LDLRAD3: variants seen among roughly 807,000 people sequenced by gnomAD.
The protein encoded by LDLRAD3 is low-density lipoprotein receptor class A domain-containing protein 3.
LDLRAD3 carries 20 observed loss-of-function variants against 29.4 expected under a neutral mutation model. The observed-to-expected ratio is 0.68, with a 90% CI of 0.48 to 0.99. The LOEUF (loss-of-function observed/expected upper bound fraction) is 0.99. LDLRAD3 is among the 50% of genes least tolerant of loss of function. LDLRAD3 has a pLI of 0.00. For synonymous variants in LDLRAD3, 157 were observed against 192.7 expected (o/e 0.81, Z 1.53); for missense variants, 420 against 454.3 (o/e 0.92, Z 0.69).
At chr11:35,953,742 AG>A (rs1268208042) in intron 1 of LDLRAD3, among the ~76,000 whole-genome samples, 1 of 152,138 alleles carries the variant, frequency 6.6e-6, no homozygotes. Context: ...GAATTTGGGG[AG>A]GGGAAGAGTG....
intron 2 of LDLRAD3, among the ~76,000 whole-genome samples, chr11:36,071,768 T>C (rs1349427260): frequency 6.6e-6 from 1 of 152,176 alleles, no homozygotes; most frequent in South Asian, 2.1e-4. Flanking sequence ...CCCTTTGCTA[T>C]TGGAAGTGTG....
chr11:36,006,364 G>C (rs1851885521), intron 1 of LDLRAD3, among the ~76,000 whole-genome samples: 1 of 152,130 alleles, frequency 6.6e-6, no homozygotes, highest in South Asian at 2.1e-4. Flanking sequence ...TTTCCTTAAG[G>C]GTGCAGTCAA....
chr11:36,124,513 C>T (rs761610234), intron 4 of LDLRAD3, among the ~76,000 whole-genome samples: 2 of 152,082 alleles, frequency 1.3e-5, no homozygotes, highest in Admixed American at 6.5e-5. Context: ...CCCTTAACCA[C>T]GGCTCTCCCA....
chr11:36,171,682 TG>T (rs1467668176), intron 4 of LDLRAD3, among the ~76,000 whole-genome samples: 2 of 152,238 alleles, frequency 1.3e-5, no homozygotes, highest in Non-Finnish European at 2.9e-5. Context: ...TTGGTCTATG[TG>T]CCTGTTTTTC....
chr11:36,100,145 GGCGTTTTACTTA>G (rs1348955837), intron 4 of LDLRAD3, among the ~76,000 whole-genome samples: 3 of 152,068 alleles, frequency 2.0e-5, no homozygotes, highest in Non-Finnish European at 2.9e-5. Flanking sequence ...CCCAGCCATC[GGCGTTTTACTTA>G]AGAAGCCCTC....
chr11:36,226,692 A>T (rs572879499), intron 4 of LDLRAD3, among the ~76,000 whole-genome samples: 1 of 152,242 alleles, frequency 6.6e-6, no homozygotes, highest in South Asian at 2.1e-4. Context: ...GTTAATCCCC[A>T]TTCTCTTTCC....
intron 1 of LDLRAD3, among the ~76,000 whole-genome samples, chr11:35,960,736 A>G (rs1010202329): frequency 6.6e-6 from 1 of 152,200 alleles, no homozygotes; most frequent in Admixed American, 6.5e-5. Context: ...AGCTGGGATT[A>G]TAGGCTTGTG....
intron 1 of LDLRAD3, among the ~76,000 whole-genome samples, chr11:36,008,513 T>C (rs980727976): frequency 6.6e-6 from 1 of 152,216 alleles, no homozygotes; most frequent in African/African-American, 2.4e-5. Context: ...CTTTAAATGC[T>C]CCTATTGCAA....
intron 2 of LDLRAD3, among the ~76,000 whole-genome samples, chr11:36,070,763 GC>G (rs1314651024): frequency 6.6e-6 from 1 of 152,156 alleles, no homozygotes; most frequent in Admixed American, 6.5e-5. Flanking sequence ...TGGGGATCCT[GC>G]TGCAGGTGGA....
chr11:36,167,707 C>G (rs1337518594), intron 4 of LDLRAD3, among the ~76,000 whole-genome samples: 4 of 152,174 alleles, frequency 2.6e-5, no homozygotes, highest in Admixed American at 6.5e-5. Context: ...CTGCTGACAG[C>G]TTGATTGCAG....
intron 2 of LDLRAD3, among the ~76,000 whole-genome samples, chr11:36,055,990 C>CTTTTTT (rs67731567): frequency 6.3e-5 from 6 of 95,364 alleles, no homozygotes; most frequent in African/African-American, 8.2e-5. Flanking sequence ...ACAGCTTGCC[C>CTTTTTT]TTTTTTTTTT....
chr11:35,996,664 C>T (rs1293794429), intron 1 of LDLRAD3, among the ~76,000 whole-genome samples: 1 of 152,254 alleles, frequency 6.6e-6, no homozygotes, highest in East Asian at 1.9e-4. Context: ...GTTTCTATAT[C>T]GAGTGGAGGT....
chr11:35,952,286 G>C (rs1034771617), intron 1 of LDLRAD3, among the ~76,000 whole-genome samples: 85 of 152,334 alleles, frequency 5.6e-4, no homozygotes, highest in African/African-American at 1.8e-3. Flanking sequence ...ATCCAAGTCT[G>C]TATGTGTTGG....
At chr11:36,208,618 C>T (rs1021411480) in intron 4 of LDLRAD3, among the ~76,000 whole-genome samples, 1 of 152,178 alleles carries the variant, frequency 6.6e-6, no homozygotes, top group Admixed American at 6.5e-5. Context: ...GGAACCCATT[C>T]AAATAATATT....
chr11:36,024,033 C>T (rs1852131115), intron 1 of LDLRAD3, among the ~76,000 whole-genome samples: 1 of 152,178 alleles, frequency 6.6e-6, no homozygotes, highest in South Asian at 2.1e-4. Context: ...TCTGGCCCCA[C>T]AATCTGCTTT....
chr11:36,163,094 A>G (rs1854466419), intron 4 of LDLRAD3, among the ~76,000 whole-genome samples: 1 of 152,266 alleles, frequency 6.6e-6, no homozygotes, highest in Non-Finnish European at 1.5e-5. Context: ...AAGTGGGAGC[A>G]GAAAAAGCAA....
chr11:36,098,865 T>G (rs79891294), intron 4 of LDLRAD3, among the ~76,000 whole-genome samples: 6,893 of 152,256 alleles, frequency 0.045, 334 homozygotes, highest in African/African-American at 0.11. Flanking sequence ...AGGTGTCTGT[T>G]ACACCTCAGC....
intron 1 of LDLRAD3, among the ~76,000 whole-genome samples, chr11:35,978,886 T>C (rs1016914831): frequency 1.2e-4 from 19 of 152,228 alleles, no homozygotes; most frequent in African/African-American, 4.6e-4. Flanking sequence ...TATTACTATA[T>C]GGTTTCCCTG....
At chr11:36,110,695 G>C (rs1046295735) in intron 4 of LDLRAD3, among the ~76,000 whole-genome samples, 1 of 152,196 alleles carries the variant, frequency 6.6e-6, no homozygotes, top group African/African-American at 2.4e-5. Flanking sequence ...CCCAGGTACT[G>C]GAAGAAATAC....
Sources: allele counts gnomAD v4.1 joint callset (sites outside exome capture counted in the v4.1 genomes callset), GRCh38; gene constraint gnomAD v4.1.1; transcripts MANE v1.5; gene names NCBI Gene and HGNC (gene_info 2026-07-23, HGNC 2026-07-21).